The following EPHB1 variants were observed in gnomAD, a reference collection of about 807,000 sequenced individuals.
The protein encoded by EPHB1 is EPH receptor B1.
EPHB1 carries 30 observed loss-of-function variants against 94.4 expected under a neutral mutation model. The observed-to-expected ratio is 0.32, with a 90% CI of 0.24 to 0.43. The LOEUF (loss-of-function observed/expected upper bound fraction) is 0.43, where lower values mean the gene tolerates loss of function less well. Ranked by LOEUF, EPHB1 falls within the 20% of genes least tolerant of loss-of-function variation. The pLI is 1.00. For missense variants in EPHB1, 1,055 were observed against 1,308.3 expected (o/e 0.81, Z 2.99); for synonymous variants, 522 against 489.1 (o/e 1.07, Z -0.89).
intron 3 of EPHB1, among the ~76,000 whole-genome samples, chr3:135,105,315 C>A (rs1247787130): frequency 3.9e-5 from 6 of 152,142 alleles, no homozygotes; most frequent in Non-Finnish European, 7.3e-5. Flanking sequence ...ATGTTTTCAG[C>A]AGGAACAGTA....
chr3:134,811,242 G>GGTTTT (rs2036168294), intron 1 of EPHB1, among the ~76,000 whole-genome samples: 1 of 73,848 alleles, frequency 1.4e-5, no homozygotes, highest in African/African-American at 4.2e-5. Context: ...TACTAAGAAG[G>GGTTTT]TTTTTTTTTT....
chr3:135,002,533 G>C (rs1935222252), intron 3 of EPHB1, among the ~76,000 whole-genome samples: 1 of 151,698 alleles, frequency 6.6e-6, no homozygotes, highest in Non-Finnish European at 1.5e-5. Context: ...AGAAGGAATG[G>C]TACCAGTTCC....
chr3:135,046,393 C>G (rs1262218368), intron 3 of EPHB1, among the ~76,000 whole-genome samples: 3 of 152,168 alleles, frequency 2.0e-5, no homozygotes, highest in Admixed American at 1.3e-4. Flanking sequence ...CCATATCAAC[C>G]AGCACAGGGC....
intron 1 of EPHB1, among the ~76,000 whole-genome samples, chr3:134,920,146 T>C (rs2038654478): frequency 6.6e-6 from 1 of 152,124 alleles, no homozygotes; most frequent in African/African-American, 2.4e-5. Context: ...TGTCTGTCTA[T>C]TCCCTGTTCG....
chr3:135,031,062 A>G (rs545280497), intron 3 of EPHB1, among the ~76,000 whole-genome samples: 2 of 152,266 alleles, frequency 1.3e-5, no homozygotes, highest in African/African-American at 4.8e-5. Flanking sequence ...GAGTCAGGCA[A>G]TGTCTCGCCC....
chr3:134,835,871 C>G (rs978878917), intron 1 of EPHB1, among the ~76,000 whole-genome samples: 4 of 152,190 alleles, frequency 2.6e-5, no homozygotes, highest in Non-Finnish European at 4.4e-5. Flanking sequence ...GCTCCTGTTT[C>G]CCTGCCCTGT....
At chr3:135,069,036 A>G (rs1937626120) in intron 3 of EPHB1, among the ~76,000 whole-genome samples, 1 of 147,254 alleles carries the variant, frequency 6.8e-6, no homozygotes, top group Non-Finnish European at 1.5e-5. Context: ...CACTGTGCCC[A>G]GCCAAAAGTT....
chr3:135,098,068 C>G (rs1260452436), intron 3 of EPHB1, among the ~76,000 whole-genome samples: 1 of 152,150 alleles, frequency 6.6e-6, no homozygotes, highest in Non-Finnish European at 1.5e-5. Flanking sequence ...CTCTAAAGAC[C>G]TCTGTCACAG....
At chr3:135,074,644 C>T (rs767694956) in intron 3 of EPHB1, among the ~76,000 whole-genome samples, 1 of 152,242 alleles carries the variant, frequency 6.6e-6, no homozygotes, top group African/African-American at 2.4e-5. Context: ...CACTGATCCA[C>T]AGGCAATTGC....
intron 3 of EPHB1, among the ~76,000 whole-genome samples, chr3:134,968,813 C>A (rs1430195831): frequency 1.3e-5 from 2 of 152,170 alleles, no homozygotes; most frequent in East Asian, 3.8e-4. Flanking sequence ...TGTATTATGG[C>A]AACCTTTTGA....
At chr3:134,967,233 A>C (rs1421346868) in intron 3 of EPHB1, among the ~76,000 whole-genome samples, 2 of 152,218 alleles carry the variant, frequency 1.3e-5, no homozygotes, top group African/African-American at 4.8e-5. Flanking sequence ...TGGAGTGTAA[A>C]AAAATGAAAA....
intron 3 of EPHB1, among the ~76,000 whole-genome samples, chr3:135,002,333 C>G (rs1451935194): frequency 1.3e-5 from 2 of 152,172 alleles, no homozygotes; most frequent in Non-Finnish European, 2.9e-5. Context: ...TTTTGATGTG[C>G]TGCTGGATTC....
chr3:134,989,527 G>T (rs1047911758), intron 3 of EPHB1, among the ~76,000 whole-genome samples: 1 of 142,382 alleles, frequency 7.0e-6, no homozygotes, highest in Non-Finnish European at 1.5e-5. Context: ...ACACATATAT[G>T]TGAATGACTC....
intron 3 of EPHB1, among the ~76,000 whole-genome samples, chr3:134,960,083 C>T (rs1933454211): frequency 7.0e-6 from 1 of 142,132 alleles, no homozygotes; most frequent in Admixed American, 7.5e-5. Context: ...AGCCTGCCTG[C>T]AGTGGAGTCT....
intron 3 of EPHB1, among the ~76,000 whole-genome samples, chr3:134,981,964 T>C (rs1262266670): frequency 2.0e-5 from 3 of 152,222 alleles, no homozygotes; most frequent in Non-Finnish European, 4.4e-5. Context: ...ATTTTCTAAG[T>C]CTAATTTAAC....
intron 3 of EPHB1, among the ~76,000 whole-genome samples, chr3:135,006,068 C>T (rs921932073): frequency 2.0e-5 from 3 of 152,218 alleles, no homozygotes; most frequent in African/African-American, 4.8e-5. Flanking sequence ...GTCCTTGCTT[C>T]CCCTTCACCT....
rs759700866 is a variant in EPHB1 at position 135,260,273 on chromosome 3, G to C, written c.*1153G>C. 4.3e-6 allele frequency: 1 copy of C among 232,816 alleles called. No individual in the cohort carries two copies. The highest frequency in any genetic ancestry group is 2.2e-5 in the African/African-American group (1 of 45,328). 14.4% of individuals were successfully genotyped at this position (232,816 alleles called of 1,614,324 possible). A position where few individuals can be genotyped will look rare whatever the true frequency, so the allele number is the denominator to read the frequency against. ...CTTTACCTATGGACTGGCTTAAGCC[G>C]TGTGGCATCCGAGGAATGTTTCAAA... On this transcript the variant is annotated 3_prime_UTR_variant, in exon 16 of 16. Transcript: ENST00000398015.
At chr3:135,208,661 G>A (rs970334376) in intron 12 of EPHB1, among the ~76,000 whole-genome samples, 40 of 152,158 alleles carry the variant, frequency 2.6e-4, no homozygotes, top group African/African-American at 9.2e-4. Flanking sequence ...GGAAACTGTG[G>A]GAACAGAGGT....
At chr3:134,972,424 TAA>T (rs1218972156) in intron 3 of EPHB1, among the ~76,000 whole-genome samples, 5 of 145,564 alleles carry the variant, frequency 3.4e-5, no homozygotes, top group East Asian at 2.0e-4. Flanking sequence ...ATATAACATA[TAA>T]AAGAGGTAAT....
Sources: gnomAD v4.1 joint callset for allele counts (sites outside exome capture counted in the v4.1 genomes callset) on GRCh38, gnomAD v4.1.1 for gene constraint, MANE v1.5 for transcripts, NCBI Gene and HGNC (gene_info 2026-07-23, HGNC 2026-07-21) for gene names.